CIBAR2: variants seen among roughly 807,000 people sequenced by gnomAD.
The protein encoded by CIBAR2 is CBY1 interacting BAR domain containing 2.
In CIBAR2, 38 loss-of-function variants were observed where a neutral mutation model predicts 36.2. That is an observed-to-expected ratio of 1.05 (90% CI 0.81 to 1.38). The LOEUF (loss-of-function observed/expected upper bound fraction) is 1.38, where lower values mean the gene tolerates loss of function less well. Ranked by LOEUF, CIBAR2 falls within the 40% of genes most tolerant of loss-of-function variation. The pLI is 0.00. For synonymous variants in CIBAR2, 182 were observed against 149.5 expected (o/e 1.22, Z -1.58); for missense variants, 481 against 383.4 (o/e 1.25, Z -2.13).
intron 2 of CIBAR2, among the ~76,000 whole-genome samples, chr16:85,109,301 G>A (rs1284734310): frequency 5.3e-5 from 8 of 151,944 alleles, no homozygotes; most frequent in South Asian, 2.1e-4. Flanking sequence ...TGGCCACCCC[G>A]TTACCAGGTG....
At chr16:85,101,813 G>A (rs1296056793) in intron 7 of CIBAR2, among the ~76,000 whole-genome samples, 3 of 151,954 alleles carry the variant, frequency 2.0e-5, no homozygotes, top group East Asian at 1.9e-4. Context: ...GGGATTGCAG[G>A]TGCCCACCAC....
intron 2 of CIBAR2, 147 bp from the exon 3 acceptor site, chr16:85,108,246 G>T (rs2074013606): frequency 4.2e-6 from 3 of 711,010 alleles, no homozygotes; most frequent in South Asian, 3.9e-5. Context: ...CCTTTTCCCG[G>T]TGTGTTGGAG....
chr16:85,109,101 T>C (rs945838578), intron 2 of CIBAR2, among the ~76,000 whole-genome samples: 1 of 151,506 alleles, frequency 6.6e-6, no homozygotes, highest in Non-Finnish European at 1.5e-5. Context: ...GAAGTTTTAT[T>C]TTTCCTTTGG....
In CIBAR2 at chr16:85,112,330, C is replaced by T. The variant is rs2074049591; in HGVS notation, c.20+3G>A. The T allele has an allele frequency of 1.2e-6, 2 of 1,614,026 alleles. No homozygotes were observed. The highest frequency in any genetic ancestry group is 1.7e-4 in the Middle Eastern group (1 of 6,060). ...ACAGCCAGGCTGGCGCTGGCCCACT[C>T]ACCTGGAGAAGACGATGTTCATTGT... On this transcript the variant is annotated splice_donor_region_variant and intron_variant, in intron 1 of 8. Coordinates refer to ENST00000539556, the MANE Select transcript of CIBAR2 (RefSeq NM_198491.3).
Position 85,107,793 on chromosome 16 carries a change from T to C in CIBAR2, c.426+53A>G. 4 of 1,578,606 alleles carry C rather than the reference T, an allele frequency of 2.5e-6. No individual in the cohort carries two copies. The East Asian group carries it at 9.0e-5, about 35-fold the overall frequency. On this transcript the variant is annotated intron_variant, in intron 4 of 8. Coordinates refer to ENST00000539556, the MANE Select transcript of CIBAR2 (RefSeq NM_198491.3). ...AAGAAAACCTCAGAAGACATCAGTG[T>C]GAGTGGACACCCTGGCCCGGCAGCC...
At position 85,107,813 on chromosome 16, in the gene CIBAR2, G is replaced by A. The variant is rs201214853; in HGVS notation, c.426+33C>T. The A allele has an allele frequency of 3.8e-6, 6 of 1,592,090 alleles. No homozygotes were observed. In the African/African-American group the frequency reaches 4.0e-5, roughly 11 times the overall value. ...CAGTGTGAGTGGACACCCTGGCCCG[G>A]CAGCCCCAGGCCCCACTTCCAGGGA... On this transcript the variant is annotated intron_variant, in intron 4 of 8. Transcript: ENST00000539556.
At chr16:85,099,997 C>T (rs2073942442) in intron 8 of CIBAR2, 142 bp downstream of exon 8, 2 of 655,614 alleles carry the variant, frequency 3.1e-6, no homozygotes, top group African/African-American at 3.6e-5. Context: ...CCTCCATGCT[C>T]CCACCACCCC....
rs2073987718 is a variant in CIBAR2 at position 85,105,374 on chromosome 16, C to T, written c.490G>A (p.Glu164Lys). ...VDSSRTTLQL[E>K]ETVDGFQRQK... ...CTCTGGAAGCCATCCACAGTCTCCT[C>T]CAGCTGGAGGGTGGTGCGGCTGGAG... Residue 164 changes from glutamate to lysine, a missense_variant, in exon 6 of 9, where the codon GAG becomes AAG. Transcript: ENST00000539556. 1 of 1,613,806 alleles carries T rather than the reference C, an allele frequency of 6.2e-7. No individual in the cohort carries two copies. Among genetic ancestry groups the T allele is most frequent in the African/African-American group, 1.3e-5 (1 of 74,934 alleles).
At chr16:85,100,057 TA>T in intron 8 of CIBAR2, 81 bp downstream of exon 8, 1 of 1,088,272 alleles carries the variant, frequency 9.2e-7, no homozygotes, top group Non-Finnish European at 1.3e-6. Context: ...CACCCTCCTC[TA>T]ATCCCTGGGG....
chr16:85,103,283 T>C (rs773520969), intron 6 of CIBAR2, among the ~76,000 whole-genome samples: 15 of 152,174 alleles, frequency 9.9e-5, no homozygotes, highest in Non-Finnish European at 1.9e-4. Flanking sequence ...GGATGCTGAA[T>C]CTGCTGGAGC....
chr16:85,100,416 G>T (rs553572086), intron 7 of CIBAR2, among the ~76,000 whole-genome samples, 176 bp from the exon 8 acceptor site: 3 of 152,118 alleles, frequency 2.0e-5, no homozygotes, highest in Admixed American at 6.5e-5. Context: ...ACAGCAGCCC[G>T]GTGAGTGGGC....
At chr16:85,106,853 A>G (rs2073999700) in intron 5 of CIBAR2, among the ~76,000 whole-genome samples, 1 of 152,188 alleles carries the variant, frequency 6.6e-6, no homozygotes, top group South Asian at 2.1e-4. Context: ...CCGCTGACTT[A>G]GCTCCATCAA....
In CIBAR2 at chr16:85,099,000, G is replaced by A. The variant is rs910306915; in HGVS notation, c.*185C>T. ...GGATACACTCACAGAAATGCAAAAT[G>A]CTCTGGAAAGTCTCAGCAACAGAAT... On this transcript the variant is annotated 3_prime_UTR_variant, in exon 9 of 9. Transcript: ENST00000539556. 14 of 621,924 alleles carry A rather than the reference G, an allele frequency of 2.3e-5. No individual in the cohort carries two copies. The South Asian group carries it at 3.8e-4, about 17-fold the overall frequency. 38.5% of individuals were successfully genotyped at this position (621,924 alleles called of 1,614,324 possible). A position where few individuals can be genotyped will look rare whatever the true frequency, so the allele number is the denominator to read the frequency against.
chr16:85,110,021 G>A (rs559646319), intron 2 of CIBAR2, among the ~76,000 whole-genome samples: 13 of 152,220 alleles, frequency 8.5e-5, no homozygotes, highest in Non-Finnish European at 1.2e-4. Context: ...CCCTTCATCC[G>A]ACTCAGCAAA....
chr16:85,110,321 T>G lies in CIBAR2; in HGVS notation c.160A>C (p.Ile54Leu). 1.2e-6 allele frequency: 2 copies of G among 1,612,758 alleles called. No individual in the cohort carries two copies. Among genetic ancestry groups the G allele is most frequent in the Non-Finnish European group, 1.7e-6 (2 of 1,179,328 alleles). Residue 54 changes from isoleucine to leucine, a missense_variant, in exon 2 of 9, where the codon ATC becomes CTC. By Grantham distance (5) the Ile-to-Leu change is conservative. Coordinates refer to ENST00000539556, the MANE Select transcript of CIBAR2 (RefSeq NM_198491.3). ...DKADQLVKQL[I>L]DFANSENPEL... ...GGGTTCTCGGAGTTGGCAAAGTCGA[T>G]GAGCTGCTTGACCAGCTGGTCCGCC...
rs1018505036 is a variant in CIBAR2, at chr16:85,110,152, A to G, written c.255+74T>C. On this transcript the variant is annotated intron_variant, in intron 2 of 8. Coordinates refer to ENST00000539556, the MANE Select transcript of CIBAR2 (RefSeq NM_198491.3). Reference sequence around the variant, plus strand: ...GCTGTGGCCACAGCAGGGCTCCTGCAGCCCTCAGGCCTGACCTTGGCATTG... The same window carrying G: ...GCTGTGGCCACAGCAGGGCTCCTGCGGCCCTCAGGCCTGACCTTGGCATTG... 5.1e-6 allele frequency: 6 copies of G among 1,173,828 alleles called. No homozygotes were observed. In the African/African-American group the frequency reaches 9.2e-5, roughly 18 times the overall value. 72.7% of individuals were successfully genotyped at this position (1,173,828 alleles called of 1,614,324 possible).
At chr16:85,105,120 C>G (rs77194835) in intron 6 of CIBAR2, among the ~76,000 whole-genome samples, 7,766 of 152,304 alleles carry the variant, frequency 0.051, 259 homozygotes, top group African/African-American at 0.094. Context: ...CTGCCCTGAG[C>G]ACCAGCCTCT....
chr16:85,109,227 A>G (rs560956261), intron 2 of CIBAR2, among the ~76,000 whole-genome samples: 8 of 152,320 alleles, frequency 5.3e-5, no homozygotes, highest in Non-Finnish European at 7.3e-5. Flanking sequence ...CCTGGGCCAC[A>G]TGGCGAAACC....
intron 5 of CIBAR2, among the ~76,000 whole-genome samples, chr16:85,106,267 C>T (rs142404527): frequency 1.4e-4 from 22 of 152,148 alleles, no homozygotes; most frequent in African/African-American, 4.8e-4. Flanking sequence ...GGAGGTTTAG[C>T]GGCATCCAGC....
Sources: gnomAD v4.1 joint callset for allele counts (sites outside exome capture counted in the v4.1 genomes callset) on GRCh38, gnomAD v4.1.1 for gene constraint, MANE v1.5 for transcripts, NCBI Gene and HGNC (gene_info 2026-07-23, HGNC 2026-07-21) for gene names.